EPHA6: variants seen among roughly 807,000 people sequenced by gnomAD.
EPHA6 encodes the protein EPH receptor A6, also known as ephrin type-A receptor 6.
Under a neutral mutation model 112.0 loss-of-function variants are expected in EPHA6, and 50 were observed. The ratio of observed to expected loss-of-function variants is 0.45; its 90% CI spans 0.36 to 0.56. The LOEUF (loss-of-function observed/expected upper bound fraction) is 0.56, where lower values mean the gene tolerates loss of function less well. Ranked by LOEUF, EPHA6 falls within the 20% of genes least tolerant of loss-of-function variation. The pLI, the probability that EPHA6 is intolerant of heterozygous loss-of-function variation, is 0.00. For synonymous variants in EPHA6, 529 were observed against 490.7 expected, an observed-to-expected ratio of 1.08 and a Z score of -1.03; for missense variants, 1,280 against 1,417.4, an observed-to-expected ratio of 0.90 and a Z score of 1.56.
chr3:97,142,211 T>C (rs1365548754), intron 3 of EPHA6, among the ~76,000 whole-genome samples: 2 of 152,058 alleles, frequency 1.3e-5, no homozygotes, highest in African/African-American at 2.4e-5. Context: ...TAGACAATTC[T>C]GATAATTCAG....
At chr3:97,121,424 A>C (rs906322459) in intron 3 of EPHA6, among the ~76,000 whole-genome samples, 6 of 152,176 alleles carry the variant, frequency 3.9e-5, no homozygotes. Flanking sequence ...TATTTTCAAA[A>C]GCCTCTTGGG....
rs112318410 is a variant in EPHA6, at chr3:97,021,310, T to C, written c.1114+33317T>C. On this transcript the variant is annotated intron_variant, in intron 3 of 17. Transcript: ENST00000389672. ...AAAATAATATCCAAACTCAGGGTCATGGCTCAGGATGACCTCTTCTCCTTC... is the reference window on the plus strand; with the variant it reads ...AAAATAATATCCAAACTCAGGGTCACGGCTCAGGATGACCTCTTCTCCTTC... Among the ~76,000 whole-genome samples the C allele has an allele frequency of 5.3e-3, 804 of 151,886 alleles. 6 individuals are homozygous for C. Among genetic ancestry groups the C allele is most frequent in the African/African-American group, 0.017 (724 of 41,498 alleles).
intron 3 of EPHA6, among the ~76,000 whole-genome samples, chr3:97,112,951 G>A (rs1421177372): frequency 6.6e-6 from 1 of 151,984 alleles, no homozygotes; most frequent in Non-Finnish European, 1.5e-5. Flanking sequence ...TCATGTTTGT[G>A]AACCTAAGAG....
intron 3 of EPHA6, among the ~76,000 whole-genome samples, chr3:97,198,924 C>G (rs1016320810): frequency 6.6e-6 from 1 of 152,086 alleles, no homozygotes; most frequent in African/African-American, 2.4e-5. Flanking sequence ...AAGGGCATGG[C>G]ATTTACTTGA....
intron 5 of EPHA6, among the ~76,000 whole-genome samples, chr3:97,332,748 T>G (rs1358805931): frequency 6.6e-6 from 1 of 152,126 alleles, no homozygotes; most frequent in Non-Finnish European, 1.5e-5. Flanking sequence ...ACTTTTAAAC[T>G]TTTGTCAAAA....
chr3:97,545,218 C>T (rs756646623), intron 11 of EPHA6, among the ~76,000 whole-genome samples: 43 of 152,054 alleles, frequency 2.8e-4, no homozygotes, highest in Non-Finnish European at 6.0e-4. Context: ...ATAAATTTCC[C>T]TCAACACACT....
chr3:97,000,287 A>ACACACATATATATATAGC (rs1553685571), intron 3 of EPHA6, among the ~76,000 whole-genome samples: 4 of 147,200 alleles, frequency 2.7e-5, no homozygotes, highest in African/African-American at 7.7e-5. Context: ...ACACACACAC[A>ACACACATATATATATAGC]CACACATATA....
chr3:96,827,521 G>A (rs1322447428), intron 1 of EPHA6, among the ~76,000 whole-genome samples: 1 of 151,988 alleles, frequency 6.6e-6, no homozygotes, highest in African/African-American at 2.4e-5. Context: ...ATGTTATGAT[G>A]GCAAGTATTT....
intron 3 of EPHA6, among the ~76,000 whole-genome samples, chr3:97,178,970 A>G (rs991679173): frequency 2.0e-5 from 3 of 152,202 alleles, no homozygotes; most frequent in South Asian, 4.1e-4. Flanking sequence ...TTTAAGGCCA[A>G]TAACTCTTTG....
chr3:97,505,290 T>C (rs1352388819), intron 10 of EPHA6, among the ~76,000 whole-genome samples: 1 of 152,188 alleles, frequency 6.6e-6, no homozygotes, highest in Non-Finnish European at 1.5e-5. Flanking sequence ...GCTGCACCCA[T>C]CAACCCGTCA....
At chr3:97,009,569 CCT>C (rs2044005256) in intron 3 of EPHA6, among the ~76,000 whole-genome samples, 1 of 152,222 alleles carries the variant, frequency 6.6e-6, no homozygotes, top group Non-Finnish European at 1.5e-5. Context: ...CTGGTTGCTT[CCT>C]CTCTGCCAAA....
chr3:96,848,491 T>C (rs2035206695), intron 1 of EPHA6, among the ~76,000 whole-genome samples: 1 of 151,782 alleles, frequency 6.6e-6, no homozygotes, highest in Non-Finnish European at 1.5e-5. Context: ...GCTGGGTGTG[T>C]TAGTGTGCCT....
chr3:97,721,063 T>C (rs1433933565), intron 15 of EPHA6, among the ~76,000 whole-genome samples: 2 of 152,152 alleles, frequency 1.3e-5, no homozygotes, highest in Non-Finnish European at 2.9e-5. Flanking sequence ...CTGTCAGAGC[T>C]GACATTATAT....
At chr3:96,848,709 G>A (rs1390823748) in intron 1 of EPHA6, among the ~76,000 whole-genome samples, 1 of 152,026 alleles carries the variant, frequency 6.6e-6, no homozygotes, top group Non-Finnish European at 1.5e-5. Context: ...AAATAATTTA[G>A]GAGTGTTTTG....
In EPHA6 at chr3:96,821,714, G is replaced by A. The variant is rs1324833993; in HGVS notation, c.385+6706G>A. Among the ~76,000 whole-genome samples the A allele has an allele frequency of 2.0e-5, 3 of 151,664 alleles. No individual in the cohort carries two copies. The East Asian group carries it at 5.8e-4, about 29-fold the overall frequency. ...AAAAATGTATTTGTTATATGACAGT[G>A]TATACCAATTAACCCCAATAAAGAA... On this transcript the variant is annotated intron_variant, in intron 1 of 17. Transcript: ENST00000389672.
intron 3 of EPHA6, among the ~76,000 whole-genome samples, chr3:97,131,090 T>C (rs2108327033): frequency 6.6e-6 from 1 of 152,212 alleles, no homozygotes; most frequent in South Asian, 2.1e-4. Context: ...AAAATTGTCA[T>C]AGCAGAGAAG....
chr3:97,094,487 A>T (rs2047177562), intron 3 of EPHA6, among the ~76,000 whole-genome samples: 1 of 152,162 alleles, frequency 6.6e-6, no homozygotes, highest in African/African-American at 2.4e-5. Context: ...ATCAGTTGTC[A>T]TCGTCTCTTA....
chr3:97,263,086 A>C (rs2079553208), intron 5 of EPHA6, among the ~76,000 whole-genome samples: 1 of 152,226 alleles, frequency 6.6e-6, no homozygotes, highest in Non-Finnish European at 1.5e-5. Context: ...GTCAATTATT[A>C]AAATACTCTG....
At chr3:97,439,213 T>G (rs916016519) in intron 6 of EPHA6, among the ~76,000 whole-genome samples, 1 of 152,126 alleles carries the variant, frequency 6.6e-6, no homozygotes, top group Admixed American at 6.6e-5. Flanking sequence ...CAAAGTGATT[T>G]GGGGTTATCT....
Sources: gnomAD v4.1 joint callset for allele counts (sites outside exome capture counted in the v4.1 genomes callset) on GRCh38, gnomAD v4.1.1 for gene constraint, MANE v1.5 for transcripts, NCBI Gene and HGNC (gene_info 2026-07-23, HGNC 2026-07-21) for gene names.